The following PREX1 variants were observed in gnomAD, a reference collection of about 807,000 sequenced individuals.
PREX1 encodes phosphatidylinositol-3,4,5-trisphosphate dependent Rac exchange factor 1.
In PREX1, 41 loss-of-function variants were observed where a neutral mutation model predicts 198.3. That is an observed-to-expected ratio of 0.21 (90% CI 0.16 to 0.27). The LOEUF is 0.27. Ranked by LOEUF, PREX1 falls within the 10% of genes least tolerant of loss-of-function variation. The pLI is 1.00. For synonymous variants in PREX1, 843 were observed against 887.2 expected, an observed-to-expected ratio of 0.95 and a Z score of 0.89; for missense variants, 1,620 against 2,200.7, an observed-to-expected ratio of 0.74 and a Z score of 5.28.
rs71827793 is a variant in PREX1 at position 48,730,413 on chromosome 20, C to CCACA, written c.520-4026_520-4023dup. Among the ~76,000 whole-genome samples the CCACA allele has an allele frequency of 9.7e-3, 1,427 of 146,784 alleles. 45 individuals are homozygous for CCACA. The highest frequency in any genetic ancestry group is 0.084 in the South Asian group (384 of 4,558). ...CAGACATCATGCTGCGCAAAAGCCA[C>CCACA]CACACACACACACACACACACACAC... On this transcript the variant is annotated intron_variant, in intron 4 of 39. Coordinates refer to ENST00000371941, the MANE Select transcript of PREX1 (RefSeq NM_020820.4).
intron 1 of PREX1, among the ~76,000 whole-genome samples, chr20:48,785,373 C>A (rs1318460678): frequency 6.6e-6 from 1 of 152,234 alleles, no homozygotes; most frequent in African/African-American, 2.4e-5. Context: ...CAACACCAGC[C>A]CAGAGGACAC....
intron 30 of PREX1, among the ~76,000 whole-genome samples, chr20:48,638,308 CCACA>C (rs932644336): frequency 1.1e-4 from 17 of 152,136 alleles, no homozygotes; most frequent in Non-Finnish European, 2.4e-4. Context: ...ACACACACAT[CCACA>C]CAGACACACA....
At chr20:48,793,623 T>C (rs1261569604) in intron 1 of PREX1, among the ~76,000 whole-genome samples, 1 of 152,208 alleles carries the variant, frequency 6.6e-6, no homozygotes, top group African/African-American at 2.4e-5. Context: ...CTGGCTGCTT[T>C]ACCGGTCACA....
chr20:48,780,369 G>A (rs2090283102), intron 1 of PREX1, among the ~76,000 whole-genome samples: 1 of 152,102 alleles, frequency 6.6e-6, no homozygotes, highest in Non-Finnish European at 1.5e-5. Flanking sequence ...TATAATCCCA[G>A]CACTTTGGGA....
upstream of PREX1, among the ~76,000 whole-genome samples, chr20:48,831,124 A>G (rs886948972): frequency 3.3e-5 from 5 of 152,124 alleles, no homozygotes; most frequent in African/African-American, 1.2e-4. Context: ...AGAGGCACAA[A>G]ATGGCTGCTG....
At chr20:48,720,256 T>C (rs866869653) in intron 5 of PREX1, among the ~76,000 whole-genome samples, 5 of 152,296 alleles carry the variant, frequency 3.3e-5, no homozygotes, top group African/African-American at 1.2e-4. Context: ...CTTCTGAACC[T>C]GATATTTATT....
At chr20:48,738,659 C>T (rs964928147) in intron 3 of PREX1, among the ~76,000 whole-genome samples, 8 of 152,094 alleles carry the variant, frequency 5.3e-5, no homozygotes, top group African/African-American at 1.4e-4. Flanking sequence ...GTGGTGGGTA[C>T]GGAACATGTG....
the PREX1 span, among the ~76,000 whole-genome samples, chr20:48,853,523 T>C: frequency 1.3e-5 from 2 of 152,088 alleles, no homozygotes; most frequent in Non-Finnish European, 1.5e-5. Flanking sequence ...CCCCCATGAT[T>C]CAATTACCTC....
At position 48,639,770 on chromosome 20, in the gene PREX1, C is replaced by G; in HGVS notation, c.3900G>C (p.Val1300=). ...KTLVDNIQRY[V]EDGKNQLLLA... is the part of the protein sequence containing the mutation. ...GCACCCTCCCTGCCCACCGACCTTCCACATATCTCTGAATGTTGTCCACCA... is the reference window on the plus strand; with the variant it reads ...GCACCCTCCCTGCCCACCGACCTTCGACATATCTCTGAATGTTGTCCACCA... The change falls in exon 30 of 40, where the codon GTG becomes GTC. Residue 1300 remains valine, a synonymous_variant. Transcript: ENST00000371941. The G allele has an allele frequency of 6.2e-7, 1 of 1,613,986 alleles. No homozygotes were observed. Among genetic ancestry groups the G allele is most frequent in the South Asian group, 1.1e-5 (1 of 91,044 alleles).
chr20:48,762,688 T>G (rs905155860), intron 1 of PREX1, among the ~76,000 whole-genome samples: 1 of 150,490 alleles, frequency 6.6e-6, no homozygotes, highest in Admixed American at 6.7e-5. Context: ...TGACTGCTAA[T>G]GGTATGAAGT....
intron 35 of PREX1, among the ~76,000 whole-genome samples, chr20:48,632,005 A>G (rs1389089843): frequency 1.3e-5 from 2 of 152,212 alleles, no homozygotes; most frequent in African/African-American, 4.8e-5. Flanking sequence ...AACAGACCCC[A>G]GTTCAAAGCT....
chr20:48,668,769 G>C (rs1266037468), intron 14 of PREX1, among the ~76,000 whole-genome samples: 3 of 152,344 alleles, frequency 2.0e-5, no homozygotes, highest in South Asian at 4.1e-4. Context: ...AACCCTGCCA[G>C]GGGTGGTGGC....
chr20:48,860,528 G>T, the PREX1 span, among the ~76,000 whole-genome samples: 1 of 152,330 alleles, frequency 6.6e-6, no homozygotes, highest in African/African-American at 2.4e-5. Context: ...TACATTTTAT[G>T]TTATGCGTAT....
Position 48,650,941 on chromosome 20 carries a change from C to T in PREX1, c.2770G>A (p.Asp924Asn). ...MPHFEFRNIC[D>N]TKLESIGQRI... The stretch of plus-strand genomic sequence containing the variant: ...TGGCCAATGCTCTCCAGCTTGGTGT[C>T]ACAGATGTTGCGGAACTCAAAGTGG... The change falls in exon 23 of 40, where the codon GAC (aspartate) becomes AAC (asparagine). Residue 924 changes from aspartate (D) to asparagine (N), a missense_variant. Coordinates refer to ENST00000371941, the MANE Select transcript of PREX1 (RefSeq NM_020820.4). 2.5e-6 allele frequency: 4 copies of T among 1,614,180 alleles called. No individual in the cohort carries two copies. Among genetic ancestry groups the T allele is most frequent in the South Asian group, 1.1e-5 (1 of 91,080 alleles).
intron 1 of PREX1, among the ~76,000 whole-genome samples, chr20:48,825,733 G>T (rs927874071): frequency 1.3e-5 from 2 of 151,708 alleles, no homozygotes; most frequent in Non-Finnish European, 2.9e-5. Context: ...CCAAGCAGAG[G>T]AGCATGGAGT....
chr20:48,654,622 C>T (rs1345256106), intron 19 of PREX1, among the ~76,000 whole-genome samples: 1 of 152,262 alleles, frequency 6.6e-6, no homozygotes, highest in Non-Finnish European at 1.5e-5. Context: ...TGAAAACCTA[C>T]TTTAAAATAT....
the PREX1 span, among the ~76,000 whole-genome samples, chr20:48,859,610 G>A: frequency 0.13 from 19,489 of 152,206 alleles, 1,927 homozygotes; most frequent in African/African-American, 0.28. Context: ...TGGTAGGAAT[G>A]TAAAATGGTA....
chr20:48,838,494 CAAGT>C, the PREX1 span, among the ~76,000 whole-genome samples: 5 of 152,152 alleles, frequency 3.3e-5, no homozygotes, highest in Admixed American at 2.0e-4. Context: ...TAAATTCTCA[CAAGT>C]AAGTAAATAC....
At chr20:48,796,404 A>C (rs567344710) in intron 1 of PREX1, among the ~76,000 whole-genome samples, 1 of 152,238 alleles carries the variant, frequency 6.6e-6, no homozygotes, top group African/African-American at 2.4e-5. Flanking sequence ...AACCTCCATC[A>C]TACAGGCACA....
Sources: allele counts gnomAD v4.1 joint callset (sites outside exome capture counted in the v4.1 genomes callset), GRCh38; gene constraint gnomAD v4.1.1; transcripts MANE v1.5; gene names NCBI Gene and HGNC (gene_info 2026-07-23, HGNC 2026-07-21).